Variants in TACC2 observed in about 807,000 individuals in gnomAD.
The protein encoded by TACC2 is transforming acidic coiled-coil-containing protein 2.
A neutral mutation model predicts 227.3 loss-of-function variants in TACC2; 137 were observed. That is an observed-to-expected ratio of 0.60 (90% CI 0.52 to 0.69). TACC2 has a LOEUF of 0.69. Ranked by LOEUF, TACC2 falls within the 30% of genes least tolerant of loss-of-function variation. The pLI is 0.00. For missense variants in TACC2, 3,470 were observed against 3,694.4 expected (o/e 0.94, Z 1.57); for synonymous variants, 1,523 against 1,487.5 (o/e 1.02, Z -0.55).
At chr10:122,121,280 C>A (rs989764691) in intron 5 of TACC2, among the ~76,000 whole-genome samples, 4 of 152,190 alleles carry the variant, frequency 2.6e-5, no homozygotes. Flanking sequence ...GAGCACTTTG[C>A]GTGTGCTGGG....
intron 6 of TACC2, among the ~76,000 whole-genome samples, chr10:122,138,232 G>T (rs1565409468): frequency 6.6e-6 from 1 of 152,160 alleles, no homozygotes; most frequent in Non-Finnish European, 1.5e-5. Context: ...ATGATAGGTT[G>T]GGTGCGGTGG....
Position 122,150,895 on chromosome 10 carries a change from A to C in TACC2, c.5834+7189A>C, listed in dbSNP as rs939652266. Among the ~76,000 whole-genome samples the C allele has an allele frequency of 6.6e-6, 1 of 152,130 alleles. No individual in the cohort carries two copies. The highest frequency in any genetic ancestry group is 1.5e-5 in the Non-Finnish European group (1 of 68,008). On this transcript the variant is annotated intron_variant, in intron 7 of 22. Coordinates refer to ENST00000369005, the MANE Select transcript of TACC2 (RefSeq NM_206862.4). This position sits in a 1 kb window ranked among gnomAD's most constrained non-coding sequence, Gnocchi z 4.0. ...CCCGGTTGATTCTATGCCACGGACT[A>C]TTCGGAAGGTGGCGCAGGGGAAGGA... is the stretch of plus-strand genomic sequence containing the variant.
intron 3 of TACC2, among the ~76,000 whole-genome samples, chr10:122,081,771 T>A (rs1006712180): frequency 6.6e-6 from 1 of 152,168 alleles, no homozygotes; most frequent in Non-Finnish European, 1.5e-5. Flanking sequence ...TCCCAAGATT[T>A]ATACATAGGT....
At chr10:122,079,618 C>G (rs185816482) in intron 3 of TACC2, among the ~76,000 whole-genome samples, 11 of 152,272 alleles carry the variant, frequency 7.2e-5, no homozygotes, top group African/African-American at 2.6e-4. Flanking sequence ...TGTCAAATGA[C>G]GCCGCGTGTA....
rs56353338 is a variant in TACC2, at chr10:122,150,728, C to G, written c.5834+7022C>G. On this transcript the variant is annotated intron_variant, in intron 7 of 22. Transcript: ENST00000369005. This position sits in a 1 kb window ranked among gnomAD's most constrained non-coding sequence, Gnocchi z 4.0. The stretch of plus-strand genomic sequence containing the variant: ...CCGAGTGCCTCGCCGTGTTGATGAG[C>G]CAGTTTCTTTAATACTTCGCTGTCA... Among the ~76,000 whole-genome samples, 1 of 152,082 alleles carries G rather than the reference C, an allele frequency of 6.6e-6. No homozygotes were observed. Among genetic ancestry groups the G allele is most frequent in the African/African-American group, 2.4e-5 (1 of 41,394 alleles).
chr10:121,990,429 T>C (rs1225476765), intron 1 of TACC2, among the ~76,000 whole-genome samples: 3 of 152,170 alleles, frequency 2.0e-5, no homozygotes, highest in Admixed American at 2.0e-4. Flanking sequence ...GAATTTTAAA[T>C]ATCAGGATAT....
chr10:122,087,392 C>G lies in TACC2; in HGVS notation c.4892C>G (p.Thr1631Arg). The G allele has an allele frequency of 6.2e-7, 1 of 1,614,062 alleles. No homozygotes were observed. Among genetic ancestry groups the G allele is most frequent in the Non-Finnish European group, 8.5e-7 (1 of 1,180,040 alleles). The change falls in exon 4 of 23, where the codon ACG (threonine) becomes AGG (arginine). Residue 1631 changes from threonine (T) to arginine (R), a missense_variant. Physicochemically the swap from Thr to Arg is moderately conservative, Grantham distance 71. Transcript: ENST00000369005. The part of the protein sequence containing the change: ...TGVPGHVPRS[T>R]CAPSPQREVL... ...GTTCCAGGACATGTGCCAAGGTCCA[C>G]GTGTGCCCCTTCTCCTCAGAGGGAG...
intron 7 of TACC2, among the ~76,000 whole-genome samples, chr10:122,159,411 A>C (rs1161655115): frequency 6.6e-6 from 1 of 152,148 alleles, no homozygotes; most frequent in Non-Finnish European, 1.5e-5. Flanking sequence ...CCCTGCTCAC[A>C]TGTCCCTGCT....
intron 7 of TACC2, among the ~76,000 whole-genome samples, chr10:122,147,987 T>C (rs1191156522): frequency 6.6e-6 from 1 of 152,362 alleles, no homozygotes; most frequent in South Asian, 2.1e-4. Context: ...AACCGTGTTT[T>C]TTCCCTTTGG....
At chr10:122,248,918 G>C in intron 20 of TACC2, 115 bp downstream of exon 20, 2 of 1,503,566 alleles carry the variant, frequency 1.3e-6, no homozygotes, top group East Asian at 2.3e-5. Context: ...CGAGGAGGGG[G>C]TCCATGCAGG....
At chr10:122,186,220 C>T (rs565896763) in intron 7 of TACC2, among the ~76,000 whole-genome samples, 93 of 152,272 alleles carry the variant, frequency 6.1e-4, no homozygotes, top group Non-Finnish European at 9.7e-4. Context: ...TGAGCCACCA[C>T]GCCTGGCCAA....
At chr10:122,146,709 A>T (rs1029029551) in intron 7 of TACC2, among the ~76,000 whole-genome samples, 1 of 152,196 alleles carries the variant, frequency 6.6e-6, no homozygotes, top group Non-Finnish European at 1.5e-5. Context: ...TTTCTTTATA[A>T]GTTATCTAGT....
At chr10:122,154,009 G>A (rs578173772) in intron 7 of TACC2, among the ~76,000 whole-genome samples, 43 of 152,314 alleles carry the variant, frequency 2.8e-4, no homozygotes, top group Non-Finnish European at 2.4e-4. Context: ...CTGGGGACCG[G>A]CTCTGGGCTC....
chr10:122,083,981 C>T lies in TACC2; in HGVS notation c.1481C>T (p.Pro494Leu), dbSNP rs561985082. 4.9e-5 allele frequency: 79 copies of T among 1,614,012 alleles called. No individual in the cohort carries two copies. In the East Asian group the frequency reaches 1.3e-3, roughly 26 times the overall value. The change falls in exon 4 of 23, where the codon CCC becomes CTC. Residue 494 changes from proline to leucine, a missense_variant. By Grantham distance (98) the Pro-to-Leu change is moderately conservative. Around this residue, in one of 10 missense-constraint regions of TACC2, gnomAD observed 1,924 missense variants for 1,978.3 expected, o/e 0.97. Transcript: ENST00000369005. ...CCTGGAGAGGTTCCTGCCCCATCAC[C>T]CCAGGAGAGGGGAGAGCACTTGAAC... Reference protein sequence around the residue: ...GDPGEVPAPSPQERGEHLNTE... With the variant: ...GDPGEVPAPSLQERGEHLNTE...
chr10:122,054,911 G>C (rs2076068735), intron 3 of TACC2, among the ~76,000 whole-genome samples: 2 of 152,128 alleles, frequency 1.3e-5, no homozygotes, highest in Admixed American at 6.6e-5. Context: ...CCCGAGGACA[G>C]GTCTTTTTGG....
rs564243038 is a variant in TACC2 at position 122,142,530 on chromosome 10, A to G, written c.5700-1042A>G. 1.1e-3 allele frequency among the ~76,000 whole-genome samples: 161 copies of G among 152,350 alleles called. 1 individual carries two copies. The highest frequency in any genetic ancestry group is 1.8e-3 in the Non-Finnish European group (125 of 68,028). On this transcript the variant is annotated intron_variant, in intron 6 of 22. Transcript: ENST00000369005. The stretch of plus-strand genomic sequence containing the variant: ...CTTCAGACCAGGGTGCTAGCCTGTC[A>G]GGTGGACCTCGAAGAGATGGAGTGA...
chr10:122,132,993 G>C (rs1048857285), intron 6 of TACC2, among the ~76,000 whole-genome samples: 2 of 152,118 alleles, frequency 1.3e-5, no homozygotes, highest in African/African-American at 4.8e-5. Flanking sequence ...CATACAAGGG[G>C]CATTTTACAG....
rs2088635862 is a variant in TACC2, at chr10:122,132,836, C to T, written c.5699+102C>T. On this transcript the variant is annotated intron_variant, in intron 6 of 22. Transcript: ENST00000369005. Reference sequence around the variant, plus strand: ...CTTCCCCTCCCCTCCTCTCTTTTCTCCTGCAGTTTCACCCCCTCTGCACAC... The same window carrying T: ...CTTCCCCTCCCCTCCTCTCTTTTCTTCTGCAGTTTCACCCCCTCTGCACAC... The T allele has an allele frequency of 3.9e-6, 5 of 1,274,166 alleles. No homozygotes were observed. The Admixed American group carries it at 1.0e-4, about 26-fold the overall frequency. The allele number at this position is 1,274,166 out of a possible 1,614,324, so 78.9% of individuals were successfully genotyped here.
At chr10:122,128,371 A>T (rs1275150840) in intron 5 of TACC2, among the ~76,000 whole-genome samples, 2 of 152,242 alleles carry the variant, frequency 1.3e-5, no homozygotes, top group East Asian at 3.8e-4. Flanking sequence ...TCTGTCTCAA[A>T]AAAGTCAGGG....
Sources: allele counts gnomAD v4.1 joint callset (sites outside exome capture counted in the v4.1 genomes callset), GRCh38; gene constraint gnomAD v4.1.1; regional missense constraint gnomAD v4.1.1; non-coding constraint Gnocchi (gnomAD v3.1); transcripts MANE v1.5; gene names NCBI Gene and HGNC (gene_info 2026-07-23, HGNC 2026-07-21).